Variants in SCHIP1 observed in about 807,000 individuals in gnomAD.
SCHIP1 encodes schwannomin-interacting protein 1.
SCHIP1 carries 8 observed loss-of-function variants against 29.7 expected under a neutral mutation model. That is an observed-to-expected ratio of 0.27 (90% CI 0.16 to 0.49). SCHIP1 has a LOEUF of 0.49. Among genes scored for constraint, SCHIP1 ranks in the 20% least tolerant of loss-of-function variants. The pLI is 0.99. For missense variants in SCHIP1, 193 were observed against 294.6 expected (o/e 0.66, Z 2.52); for synonymous variants, 76 against 94.9 (o/e 0.80, Z 1.16).
the SCHIP1 span, among the ~76,000 whole-genome samples, chr3:159,827,404 A>G: frequency 1.3e-5 from 2 of 152,258 alleles, no homozygotes; most frequent in East Asian, 3.8e-4. Context: ...TGATGTTAAC[A>G]GTTTAGTCAT....
the SCHIP1 span, among the ~76,000 whole-genome samples, chr3:159,516,785 A>G: frequency 6.6e-6 from 1 of 152,028 alleles, no homozygotes; most frequent in African/African-American, 2.4e-5. Context: ...TGCTGCATGT[A>G]TCATTCATTC....
the SCHIP1 span, among the ~76,000 whole-genome samples, chr3:159,630,765 G>A: frequency 3.3e-5 from 5 of 152,136 alleles, no homozygotes; most frequent in East Asian, 3.9e-4. Flanking sequence ...AATTAGGTAC[G>A]GTGTACACTG....
the SCHIP1 span, among the ~76,000 whole-genome samples, chr3:159,631,691 T>G: frequency 6.6e-6 from 1 of 152,280 alleles, no homozygotes; most frequent in African/African-American, 2.4e-5. Flanking sequence ...TAGGGAGTTA[T>G]CGCTTAATAG....
the SCHIP1 span, among the ~76,000 whole-genome samples, chr3:159,608,204 C>T: frequency 6.6e-6 from 1 of 152,206 alleles, no homozygotes; most frequent in Non-Finnish European, 1.5e-5. Flanking sequence ...AAGGAGACCT[C>T]AGTGATTCAA....
chr3:159,895,651 G>T (rs748588829), intron 6 of SCHIP1, among the ~76,000 whole-genome samples: 1 of 152,012 alleles, frequency 6.6e-6, no homozygotes, highest in Non-Finnish European at 1.5e-5. Context: ...CTATTTTTGG[G>T]TTCACAGGTC....
At chr3:159,470,437 G>T in the SCHIP1 span, among the ~76,000 whole-genome samples, 2 of 152,180 alleles carry the variant, frequency 1.3e-5, no homozygotes, top group Admixed American at 6.5e-5. Context: ...ACAAAAATCT[G>T]CTATTTCTGT....
the SCHIP1 span, among the ~76,000 whole-genome samples, chr3:159,532,466 G>A: frequency 6.6e-6 from 1 of 151,908 alleles, no homozygotes; most frequent in Non-Finnish European, 1.5e-5. Context: ...TGAATTATCT[G>A]AGCTTTGTCA....
chr3:159,336,381 G>A, the SCHIP1 span, among the ~76,000 whole-genome samples: 1 of 152,224 alleles, frequency 6.6e-6, no homozygotes, highest in Non-Finnish European at 1.5e-5. Flanking sequence ...GGCTTTTGTT[G>A]CCATTTGTTT....
the SCHIP1 span, among the ~76,000 whole-genome samples, chr3:159,579,811 T>C: frequency 6.6e-6 from 1 of 152,246 alleles, no homozygotes; most frequent in African/African-American, 2.4e-5. Context: ...AATACTGATG[T>C]TGGCAGTATT....
At chr3:159,843,001 CTTTTTT>C (rs566940351) in intron 1 of SCHIP1, among the ~76,000 whole-genome samples, 22 of 63,734 alleles carry the variant, frequency 3.5e-4, no homozygotes, top group African/African-American at 5.7e-4. Context: ...ATATTTCTTT[CTTTTTT>C]TTTTTTTTTT....
chr3:159,355,467 G>T, the SCHIP1 span, among the ~76,000 whole-genome samples: 630 of 152,040 alleles, frequency 4.1e-3, 4 homozygotes, highest in Middle Eastern at 0.027. Context: ...CTAAATATTT[G>T]GTGCACAAGG....
chr3:159,380,745 A>G, the SCHIP1 span, among the ~76,000 whole-genome samples: 3 of 152,152 alleles, frequency 2.0e-5, no homozygotes, highest in Non-Finnish European at 4.4e-5. Flanking sequence ...GAAGAAAAAG[A>G]ATGAGGCCCA....
chr3:159,848,180 C>G (rs1712100177), intron 1 of SCHIP1, among the ~76,000 whole-genome samples: 1 of 152,200 alleles, frequency 6.6e-6, no homozygotes, highest in Admixed American at 6.5e-5. Context: ...GAAACCAAAG[C>G]TCTTCATGCT....
the SCHIP1 span, among the ~76,000 whole-genome samples, chr3:159,596,917 T>A: frequency 1.3e-5 from 2 of 151,750 alleles, no homozygotes; most frequent in African/African-American, 2.4e-5. Context: ...CTGCATGTTG[T>A]GCACATGTGC....
At chr3:159,457,965 C>T in the SCHIP1 span, among the ~76,000 whole-genome samples, 1 of 152,072 alleles carries the variant, frequency 6.6e-6, no homozygotes, top group South Asian at 2.1e-4. Context: ...GATAAAGGAG[C>T]ACTACTGTAT....
the SCHIP1 span, among the ~76,000 whole-genome samples, chr3:159,684,136 T>G: frequency 6.8e-6 from 1 of 147,944 alleles, no homozygotes; most frequent in Non-Finnish European, 1.5e-5. Context: ...CCTCCTAATC[T>G]AACTGTCACT....
chr3:159,507,042 A>G, the SCHIP1 span, among the ~76,000 whole-genome samples: 8 of 152,180 alleles, frequency 5.3e-5, no homozygotes, highest in Admixed American at 1.3e-4. Context: ...CATTGAATCT[A>G]TAAATTACCT....
chr3:159,427,353 C>G, the SCHIP1 span, among the ~76,000 whole-genome samples: 47 of 151,850 alleles, frequency 3.1e-4, no homozygotes, highest in South Asian at 1.3e-3. Context: ...TCAGCAAAGT[C>G]TCAGGATACA....
At chr3:159,363,943 TCAA>T in the SCHIP1 span, among the ~76,000 whole-genome samples, 1 of 152,194 alleles carries the variant, frequency 6.6e-6, no homozygotes, top group African/African-American at 2.4e-5. Flanking sequence ...CAGAAACTCT[TCAA>T]CATTTTTAAA....
Sources: allele counts gnomAD v4.1 joint callset (sites outside exome capture counted in the v4.1 genomes callset), GRCh38; gene constraint gnomAD v4.1.1; transcripts MANE v1.5; gene names NCBI Gene and HGNC (gene_info 2026-07-23, HGNC 2026-07-21).